Variants in CEP162 observed in about 807,000 individuals in gnomAD.
CEP162 encodes centrosomal protein of 162 kDa.
A neutral mutation model predicts 169.2 loss-of-function variants in CEP162; 141 were observed. That is an observed-to-expected ratio of 0.83 (90% CI 0.73 to 0.96). The LOEUF (loss-of-function observed/expected upper bound fraction) is 0.96, where lower values mean the gene tolerates loss of function less well. Among genes scored for constraint, CEP162 ranks in the 40% least tolerant of loss-of-function variants. The pLI is 0.00. For synonymous variants in CEP162, 540 were observed against 526.4 expected (o/e 1.03, Z -0.35); for missense variants, 1,600 against 1,587.2 (o/e 1.01, Z -0.14).
Position 84,175,234 on chromosome 6 carries a change from A to G in CEP162, c.1777T>C (p.Ser593Pro). The change falls in exon 14 of 27, where the codon TCC (serine) becomes CCC (proline). Residue 593 changes from serine to proline, a missense_variant. Transcript: ENST00000403245. ...CCTACAGTCTGAAACTGAATACAGG[A>G]ATCAGTTTCTGTGGGATTTTCAGAC... ...KKSENPTETDSCIQFQTDSLG... is the reference protein window; with the variant it reads ...KKSENPTETDPCIQFQTDSLG... The G allele has an allele frequency of 6.5e-7, 1 of 1,540,198 alleles. No individual in the cohort carries two copies. Among genetic ancestry groups the G allele is most frequent in the South Asian group, 1.2e-5 (1 of 81,708 alleles).
intron 6 of CEP162, among the ~76,000 whole-genome samples, chr6:84,211,785 T>C (rs1365016314): frequency 6.6e-6 from 1 of 151,528 alleles, no homozygotes; most frequent in East Asian, 1.9e-4. Context: ...ATGGCCAAAA[T>C]ATTTTTTATT....
At chr6:84,160,304 G>T (rs1370652695) in intron 21 of CEP162, among the ~76,000 whole-genome samples, 1 of 152,018 alleles carries the variant, frequency 6.6e-6, no homozygotes, top group Non-Finnish European at 1.5e-5. Flanking sequence ...ATGATTAAAG[G>T]TCTCCCACAC....
chr6:84,213,989 T>C (rs1438125527), intron 5 of CEP162, among the ~76,000 whole-genome samples: 1 of 152,120 alleles, frequency 6.6e-6, no homozygotes, highest in Non-Finnish European at 1.5e-5. Flanking sequence ...ATAAAAGTAA[T>C]ACATTTTCGC....
chr6:84,173,415 T>G (rs2099530993), intron 16 of CEP162, among the ~76,000 whole-genome samples: 1 of 152,216 alleles, frequency 6.6e-6, no homozygotes, highest in Non-Finnish European at 1.5e-5. Context: ...AATTAAAACT[T>G]TGTTAAGTCA....
chr6:84,151,963 C>T (rs1734418510), intron 23 of CEP162, among the ~76,000 whole-genome samples: 1 of 151,800 alleles, frequency 6.6e-6, no homozygotes, highest in African/African-American at 2.4e-5. Flanking sequence ...TGCTAAAAGA[C>T]AGGATTGGAT....
In CEP162 at chr6:84,152,831, T is replaced by C. The variant is rs2099521659; in HGVS notation, c.3343A>G (p.Arg1115Gly). 6.2e-7 allele frequency: 1 copy of C among 1,613,704 alleles called. No individual in the cohort carries two copies. Among genetic ancestry groups the C allele is most frequent in the Non-Finnish European group, 8.5e-7 (1 of 1,179,808 alleles). The stretch of plus-strand genomic sequence containing the variant: ...TTCTGATTTGATAGCATCATTCTTC[T>C]GTCTTTCTGAAGCCTCTCCACAGTT... ...SKTVERLQKD[R>G]RMMLSNQNSK... Residue 1115 changes from arginine to glycine, a missense_variant, in exon 23 of 27, where the codon AGA becomes GGA. Physicochemically the swap from Arg to Gly is moderately radical, Grantham distance 125. Coordinates refer to ENST00000403245, the MANE Select transcript of CEP162 (RefSeq NM_014895.4).
At chr6:84,226,221 G>C in intron 2 of CEP162, 116 bp downstream of exon 2, 2 of 704,640 alleles carry the variant, frequency 2.8e-6, no homozygotes, top group South Asian at 1.7e-5. Context: ...GGGCTAGAGG[G>C]ATGATGGGAA....
At chr6:84,170,335 T>C (rs556699855) in intron 17 of CEP162, among the ~76,000 whole-genome samples, 172 of 134,624 alleles carry the variant, frequency 1.3e-3, no homozygotes, top group Non-Finnish European at 2.4e-3. Flanking sequence ...GATTACGCCA[T>C]TGCACTCCAG....
intron 9 of CEP162, among the ~76,000 whole-genome samples, chr6:84,196,137 A>T (rs1460590341): frequency 6.6e-6 from 1 of 152,122 alleles, no homozygotes; most frequent in South Asian, 2.1e-4. Flanking sequence ...TGTAACTCCC[A>T]CAATTCTCAT....
intron 18 of CEP162, among the ~76,000 whole-genome samples, chr6:84,166,715 T>C (rs867351533): frequency 1.3e-5 from 2 of 152,154 alleles, no homozygotes; most frequent in Admixed American, 6.6e-5. Context: ...TTACCTTTTA[T>C]TACATTTCCA....
chr6:84,226,905 A>G (rs1001097972), intron 1 of CEP162, among the ~76,000 whole-genome samples: 6 of 152,186 alleles, frequency 3.9e-5, no homozygotes, highest in African/African-American at 1.2e-4. Flanking sequence ...AGTTTCGTAA[A>G]GCAGACTGCA....
intron 11 of CEP162, among the ~76,000 whole-genome samples, chr6:84,190,753 C>T (rs1166893898): frequency 3.9e-5 from 6 of 152,228 alleles, no homozygotes; most frequent in African/African-American, 7.2e-5. Context: ...ACACTCACCG[C>T]GAGCGTCCGC....
chr6:84,174,010 C>G, intron 16 of CEP162, 38 bp downstream of exon 16: 1 of 1,570,232 alleles, frequency 6.4e-7, no homozygotes, highest in Non-Finnish European at 8.7e-7. Context: ...ACTAAAAGAT[C>G]AAGAGTAAAT....
chr6:84,160,948 A>G, intron 20 of CEP162, 32 bp from the exon 21 acceptor site: 2 of 1,377,564 alleles, frequency 1.5e-6, no homozygotes, highest in Admixed American at 1.7e-5. Flanking sequence ...GTTAAGAAGC[A>G]TATGTAAACA....
chr6:84,195,272 G>A (rs2099541649), intron 9 of CEP162, among the ~76,000 whole-genome samples, 197 bp from the exon 10 acceptor site: 1 of 152,218 alleles, frequency 6.6e-6, no homozygotes, highest in Non-Finnish European at 1.5e-5. Context: ...GGCGTGTCCT[G>A]ATGTGGTAAG....
chr6:84,184,560 T>C (rs1012870589), intron 13 of CEP162, among the ~76,000 whole-genome samples: 8 of 152,122 alleles, frequency 5.3e-5, no homozygotes, highest in Non-Finnish European at 1.2e-4. Context: ...TCCTTCTTAA[T>C]ATACTTTGTT....
At chr6:84,159,693 T>C (rs904366116) in intron 21 of CEP162, among the ~76,000 whole-genome samples, 5 of 149,764 alleles carry the variant, frequency 3.3e-5, no homozygotes, top group African/African-American at 1.2e-4. Context: ...CCCTCCCAAG[T>C]AGCTAGGATT....
At chr6:84,203,403 A>G (rs781393643) in intron 7 of CEP162, among the ~76,000 whole-genome samples, 4 of 152,218 alleles carry the variant, frequency 2.6e-5, no homozygotes, top group Non-Finnish European at 4.4e-5. Flanking sequence ...TAAGCTTTCA[A>G]TTTCTAAAGC....
At chr6:84,152,225 T>G (rs1322682853) in intron 23 of CEP162, among the ~76,000 whole-genome samples, 7 of 152,198 alleles carry the variant, frequency 4.6e-5, no homozygotes, top group Non-Finnish European at 1.0e-4. Flanking sequence ...TAATAAACTA[T>G]GACATTCCTT....
Sources: allele counts gnomAD v4.1 joint callset (sites outside exome capture counted in the v4.1 genomes callset), GRCh38; gene constraint gnomAD v4.1.1; transcripts MANE v1.5; gene names NCBI Gene and HGNC (gene_info 2026-07-23, HGNC 2026-07-21).